The following USP54 variants were observed in gnomAD, a reference collection of about 807,000 sequenced individuals.
The protein encoded by USP54 is ubiquitin specific peptidase 54.
In USP54, 87 loss-of-function variants were observed where a neutral mutation model predicts 170.5. That is an observed-to-expected ratio of 0.51 (90% CI 0.43 to 0.61). The LOEUF is 0.61. Ranked by LOEUF, USP54 falls within the 20% of genes least tolerant of loss-of-function variation. USP54 has a pLI of 0.00. For synonymous variants in USP54, 655 were observed against 742.8 expected (o/e 0.88, Z 1.92); for missense variants, 1,786 against 2,047.8 (o/e 0.87, Z 2.47).
intron 1 of USP54, among the ~76,000 whole-genome samples, chr10:73,613,130 CTCT>C (rs1242464154): frequency 3.4e-5 from 5 of 146,782 alleles, no homozygotes; most frequent in Non-Finnish European, 7.4e-5. Flanking sequence ...GCATTCCAGC[CTCT>C]TTTTTTTTTT....
intron 20 of USP54, chr10:73,513,378 T>C (rs1279046739): frequency 1.3e-5 from 2 of 152,044 alleles, no homozygotes; most frequent in African/African-American, 4.8e-5. Flanking sequence ...GGCAGAAGAA[T>C]TGCTTGAACC....
At chr10:73,581,783 TATA>T (rs1390894978) in intron 1 of USP54, among the ~76,000 whole-genome samples, 2 of 152,212 alleles carry the variant, frequency 1.3e-5, no homozygotes, top group Non-Finnish European at 1.5e-5. Flanking sequence ...TAGATCTAAA[TATA>T]ATATTTGGTC....
chr10:73,541,122 G>C (rs2066516517), intron 9 of USP54, among the ~76,000 whole-genome samples: 1 of 152,086 alleles, frequency 6.6e-6, no homozygotes. Context: ...TTTATCAGTA[G>C]CTAAGCTCTG....
At chr10:73,588,673 A>G (rs1450285948) in intron 1 of USP54, among the ~76,000 whole-genome samples, 1 of 152,240 alleles carries the variant, frequency 6.6e-6, no homozygotes, top group Non-Finnish European at 1.5e-5. Context: ...AGAAAACTTC[A>G]GTGACAAAAT....
At position 73,534,612 on chromosome 10, in the gene USP54, T is replaced by C; in HGVS notation, c.1303A>G (p.Ser435Gly). The C allele has an allele frequency of 6.2e-7, 1 of 1,614,014 alleles. No homozygotes were observed. Among genetic ancestry groups the C allele is most frequent in the Non-Finnish European group, 8.5e-7 (1 of 1,179,936 alleles). ...NVENDSMSQS[S>G]RDTGHLTDSE... ...TATAAGTCCCTACCTGTGTCCCGAC[T>C]GCTCTGAGACATGGAATCATTTTCC... is the stretch of plus-strand genomic sequence containing the variant. Residue 435 changes from serine (S) to glycine (G), a missense_variant, in exon 12 of 24, where the codon AGT becomes GGT. Transcript: ENST00000687698.
At chr10:73,538,105 T>A (rs2065672715) in intron 10 of USP54, 1 of 152,070 alleles carries the variant, frequency 6.6e-6, no homozygotes, top group Non-Finnish European at 1.5e-5. Context: ...CTCGGGAGGC[T>A]GAGGCACGAG....
chr10:73,519,758 C>T, intron 19 of USP54, 39 bp downstream of exon 19: 1 of 1,611,734 alleles, frequency 6.2e-7, no homozygotes, highest in Non-Finnish European at 8.5e-7. Flanking sequence ...TCATTTCTTC[C>T]CCTGGCATTC....
chr10:73,527,845 A>G (rs1430475256), intron 15 of USP54, among the ~76,000 whole-genome samples: 1 of 151,192 alleles, frequency 6.6e-6, no homozygotes, highest in African/African-American at 2.4e-5. Flanking sequence ...ACCAAAAAAA[A>G]AAAAAAAAAA....
At chr10:73,567,126 G>A (rs891264744) in intron 4 of USP54, among the ~76,000 whole-genome samples, 3 of 151,718 alleles carry the variant, frequency 2.0e-5, no homozygotes, top group South Asian at 2.1e-4. Flanking sequence ...TGATCCACCC[G>A]CCTCAGCCTC....
chr10:73,530,545 GA>G, intron 13 of USP54, 22 bp from the exon 14 acceptor site: 1 of 1,592,882 alleles, frequency 6.3e-7, no homozygotes, highest in South Asian at 1.2e-5. Flanking sequence ...AAGAATGAAA[GA>G]AATATAGATG....
upstream of USP54, among the ~76,000 whole-genome samples, chr10:73,595,298 TC>T (rs1440941756): frequency 6.6e-6 from 1 of 152,166 alleles, no homozygotes; most frequent in Non-Finnish European, 1.5e-5. Flanking sequence ...ACAGGTGCAA[TC>T]CCTGTGCAAT....
chr10:73,578,877 C>T (rs762209472), intron 1 of USP54, among the ~76,000 whole-genome samples: 4 of 151,558 alleles, frequency 2.6e-5, no homozygotes, highest in Non-Finnish European at 5.9e-5. Flanking sequence ...AACAAAAAAC[C>T]TAAAACTATA....
intron 1 of USP54, among the ~76,000 whole-genome samples, chr10:73,600,730 A>G (rs1322197455): frequency 1.3e-5 from 2 of 152,170 alleles, no homozygotes; most frequent in African/African-American, 4.8e-5. Context: ...CCTGGCCAAC[A>G]TGGTGAAACC....
At position 73,532,244 on chromosome 10, in the gene USP54, C is replaced by T. The variant is rs534732573; in HGVS notation, c.1316-1409G>A. On this transcript the variant is annotated intron_variant, in intron 12 of 23. Transcript: ENST00000687698. ...CTGGAGTGCAGTGGTGCGATCTCAA[C>T]TCACTGCAAGCTCCGCCTTCCGGGT... 4.6e-5 allele frequency among the ~76,000 whole-genome samples: 7 copies of T among 152,074 alleles called. No individual in the cohort carries two copies. In the South Asian group the frequency reaches 1.2e-3, roughly 27 times the overall value.
chr10:73,607,918 G>A (rs2079811446), intron 1 of USP54, among the ~76,000 whole-genome samples: 1 of 151,680 alleles, frequency 6.6e-6, no homozygotes, highest in African/African-American at 2.4e-5. Flanking sequence ...ATGAGTTGCA[G>A]TGTGCGAAGT....
intron 4 of USP54, chr10:73,553,209 T>C (rs1270899758): frequency 6.6e-6 from 1 of 152,198 alleles, no homozygotes; most frequent in African/African-American, 2.4e-5. Context: ...TATAATCTTT[T>C]CTCACCTCTT....
At chr10:73,617,324 C>T (rs1048784610) in intron 1 of USP54, among the ~76,000 whole-genome samples, 3 of 149,062 alleles carry the variant, frequency 2.0e-5, no homozygotes, top group Non-Finnish European at 2.9e-5. Flanking sequence ...CAGGCGGTGG[C>T]GCATGCCTGT....
chr10:73,581,077 G>T (rs1156336207), intron 1 of USP54, among the ~76,000 whole-genome samples: 1 of 152,178 alleles, frequency 6.6e-6, no homozygotes, highest in Non-Finnish European at 1.5e-5. Context: ...AAACATGGCT[G>T]CACTTTTGCC....
At chr10:73,622,157 T>C (rs1446520980) in intron 1 of USP54, among the ~76,000 whole-genome samples, 1 of 152,196 alleles carries the variant, frequency 6.6e-6, no homozygotes, top group Non-Finnish European at 1.5e-5. Context: ...CTGAACTTTT[T>C]AAGCCTTGGT....
Sources: gnomAD v4.1 joint callset for allele counts (sites outside exome capture counted in the v4.1 genomes callset) on GRCh38, gnomAD v4.1.1 for gene constraint, MANE v1.5 for transcripts, NCBI Gene and HGNC (gene_info 2026-07-23, HGNC 2026-07-21) for gene names.